The following THSD7B variants were observed in gnomAD, a reference collection of about 807,000 sequenced individuals.
The protein encoded by THSD7B is thrombospondin type 1 domain containing 7B.
In THSD7B, 138 loss-of-function variants were observed where a neutral mutation model predicts 213.6. That is an observed-to-expected ratio of 0.65 (90% confidence interval 0.56 to 0.74). THSD7B has a LOEUF of 0.74. THSD7B is among the 30% of genes least tolerant of loss of function. THSD7B has a pLI of 0.00. For synonymous variants in THSD7B, 742 were observed against 687.0 expected, an observed-to-expected ratio of 1.08 and a Z score of -1.25; for missense variants, 1,931 against 1,991.5, an observed-to-expected ratio of 0.97 and a Z score of 0.58.
At chr2:136,833,433 A>ATTTTTTTTT (rs56778387) in intron 1 of THSD7B, among the ~76,000 whole-genome samples, 3 of 112,070 alleles carry the variant, frequency 2.7e-5, no homozygotes, top group Non-Finnish European at 5.0e-5. Flanking sequence ...ATTATTTTCT[A>ATTTTTTTTT]TTTTTTTTTT....
chr2:137,335,833 T>C (rs1241635873), intron 12 of THSD7B, among the ~76,000 whole-genome samples: 1 of 152,192 alleles, frequency 6.6e-6, no homozygotes, highest in Non-Finnish European at 1.5e-5. Context: ...TAGGTTGTAA[T>C]TGAAGAATAT....
chr2:136,891,603 C>T (rs1334914084), intron 2 of THSD7B, among the ~76,000 whole-genome samples: 1 of 152,182 alleles, frequency 6.6e-6, no homozygotes, highest in African/African-American at 2.4e-5. Context: ...ACTGGAGGCT[C>T]CGCTCCCTGT....
chr2:137,166,496 G>T (rs1680132758), intron 6 of THSD7B, among the ~76,000 whole-genome samples: 1 of 152,138 alleles, frequency 6.6e-6, no homozygotes, highest in Admixed American at 6.5e-5. Flanking sequence ...TTTGCTGGAG[G>T]CTCCCTATAG....
chr2:137,533,347 C>G (rs1339702095), intron 15 of THSD7B, among the ~76,000 whole-genome samples: 2 of 151,820 alleles, frequency 1.3e-5, no homozygotes, highest in African/African-American at 4.8e-5. Flanking sequence ...AATCTCTCCT[C>G]TCTATAATTA....
intron 3 of THSD7B, among the ~76,000 whole-genome samples, chr2:137,066,348 C>T (rs576138981): frequency 9.9e-5 from 15 of 151,796 alleles, no homozygotes; most frequent in South Asian, 2.1e-4. Context: ...TGTGCCACCA[C>T]GTCTGGCTAA....
At chr2:137,153,435 C>T (rs191065102) in intron 5 of THSD7B, among the ~76,000 whole-genome samples, 53 of 152,274 alleles carry the variant, frequency 3.5e-4, no homozygotes, top group African/African-American at 1.2e-3. Context: ...ATACACACAT[C>T]TTCCTGCCAA....
intron 12 of THSD7B, among the ~76,000 whole-genome samples, chr2:137,292,196 C>T (rs753510199): frequency 6.6e-6 from 1 of 152,166 alleles, no homozygotes; most frequent in African/African-American, 2.4e-5. Context: ...ATATTTCTTA[C>T]AACTTGTGCT....
intron 2 of THSD7B, among the ~76,000 whole-genome samples, chr2:137,028,540 A>G (rs1246660293): frequency 6.6e-6 from 1 of 152,252 alleles, no homozygotes; most frequent in Admixed American, 6.5e-5. Flanking sequence ...TCAATTATTT[A>G]GTAAATGTTT....
intron 12 of THSD7B, among the ~76,000 whole-genome samples, chr2:137,392,609 CTCTTT>C (rs1256305061): frequency 3.9e-5 from 6 of 152,194 alleles, no homozygotes; most frequent in Admixed American, 2.6e-4. Context: ...CTTTTTCCAT[CTCTTT>C]TCTTTCTGTC....
At chr2:137,519,251 A>AAATAAATAAAT (rs1553456924) in intron 15 of THSD7B, among the ~76,000 whole-genome samples, 12 of 149,224 alleles carry the variant, frequency 8.0e-5, no homozygotes, top group East Asian at 7.8e-4. Flanking sequence ...ACTCCATCTC[A>AAATAAATAAAT]AAATAAATAA....
At chr2:137,416,837 A>G (rs1013063077) in intron 14 of THSD7B, among the ~76,000 whole-genome samples, 1 of 152,268 alleles carries the variant, frequency 6.6e-6, no homozygotes, top group Non-Finnish European at 1.5e-5. Flanking sequence ...AATAGAGGAA[A>G]TGAAATTACA....
chr2:137,517,444 G>A lies in THSD7B; in HGVS notation c.3139-45777G>A, dbSNP rs566262518. Among the ~76,000 whole-genome samples the A allele has an allele frequency of 2.6e-5, 4 of 152,326 alleles. No individual in the cohort carries two copies. The East Asian group carries it at 7.7e-4, about 29-fold the overall frequency. ...CCTCAGTAAAATTTCTAGGGGTCTG[G>A]TGGTGTGAGGCCTGTTGAGATGTTC... On this transcript the variant is annotated intron_variant, in intron 15 of 27. Transcript: ENST00000409968.
intron 7 of THSD7B, among the ~76,000 whole-genome samples, chr2:137,224,278 C>G (rs890408998): frequency 1.3e-5 from 2 of 152,162 alleles, no homozygotes; most frequent in Non-Finnish European, 2.9e-5. Context: ...GTGGATTGAG[C>G]CTTCTGTAGC....
intron 2 of THSD7B, among the ~76,000 whole-genome samples, chr2:137,056,142 C>T (rs1383412223): frequency 2.0e-5 from 3 of 152,152 alleles, no homozygotes; most frequent in Admixed American, 6.5e-5. Flanking sequence ...AGCAATTCTA[C>T]AAGTCGGTGC....
In THSD7B at chr2:137,268,196, CA is replaced by C. The variant is rs970686716; in HGVS notation, c.2267-4336del. The stretch of plus-strand genomic sequence containing the variant: ...TACTTTAAGTTCTAGGGTACATGTG[CA>C]CAACATGCAGGTTTGTTAAGTAAGT... On this transcript the variant is annotated intron_variant, in intron 10 of 27. Transcript: ENST00000409968. 6.3e-4 allele frequency among the ~76,000 whole-genome samples: 96 copies of C among 152,028 alleles called. 1 individual carries two copies. Among genetic ancestry groups the C allele is most frequent in the Middle Eastern group, 3.4e-3 (1 of 294 alleles).
intron 15 of THSD7B, among the ~76,000 whole-genome samples, chr2:137,562,505 T>G (rs574579810): frequency 2.6e-5 from 4 of 152,042 alleles, no homozygotes; most frequent in Non-Finnish European, 5.9e-5. Flanking sequence ...AAGAATTCAT[T>G]TACTGTACTC....
chr2:137,053,576 T>TA (rs34910460), intron 2 of THSD7B, among the ~76,000 whole-genome samples: 51 of 144,850 alleles, frequency 3.5e-4, no homozygotes, highest in African/African-American at 5.7e-4. Context: ...GAATTTATAA[T>TA]AAAAAAAAAA....
chr2:137,636,356 C>T (rs1166251226), intron 20 of THSD7B, among the ~76,000 whole-genome samples: 1 of 152,310 alleles, frequency 6.6e-6, no homozygotes, highest in East Asian at 1.9e-4. Context: ...TGATAATTGA[C>T]TCAACAGCCA....
intron 3 of THSD7B, among the ~76,000 whole-genome samples, chr2:137,082,097 GTT>G (rs1393802688): frequency 2.0e-5 from 3 of 152,076 alleles, no homozygotes; most frequent in African/African-American, 7.2e-5. Flanking sequence ...GTTCCGAACT[GTT>G]TTCTGTATTT....
Sources: gnomAD v4.1 joint callset for allele counts (sites outside exome capture counted in the v4.1 genomes callset) on GRCh38, gnomAD v4.1.1 for gene constraint, MANE v1.5 for transcripts, NCBI Gene and HGNC (gene_info 2026-07-23, HGNC 2026-07-21) for gene names.